The following SLC4A8 variants were observed in gnomAD, a reference collection of about 807,000 sequenced individuals.
SLC4A8 encodes electroneutral sodium bicarbonate exchanger 1.
Under a neutral mutation model 125.0 loss-of-function variants are expected in SLC4A8, and 40 were observed. That is an observed-to-expected ratio of 0.32 (90% CI 0.25 to 0.42). SLC4A8 has a LOEUF of 0.42. SLC4A8 is among the 10% of genes least tolerant of loss of function. The probability of loss-of-function intolerance (pLI) is 1.00; values close to 1 mark genes in which losing one functional copy is unlikely to be tolerated. For synonymous variants in SLC4A8, 456 were observed against 476.0 expected (o/e 0.96, Z 0.55); for missense variants, 863 against 1,355.1 (o/e 0.64, Z 5.70).
Position 51,461,194 on chromosome 12 carries a change from G to GTT in SLC4A8, c.1014-7_1014-6dup. On this transcript the variant is annotated splice_polypyrimidine_tract_variant and intron_variant, in intron 8 of 24. Coordinates refer to ENST00000453097, the MANE Select transcript of SLC4A8 (RefSeq NM_001039960.3). ...ACTTACATAATTTCCTCCTCTGTGT[G>GTT]TTTTGCCAGATTTTTGTTTATCTTA... is the stretch of plus-strand genomic sequence containing the variant. 6.4e-7 allele frequency: 1 copy of GTT among 1,556,786 alleles called. No homozygotes were observed. The highest frequency in any genetic ancestry group is 8.9e-7 in the Non-Finnish European group (1 of 1,128,894).
At chr12:51,395,229 G>A (rs182331858) in intron 1 of SLC4A8, among the ~76,000 whole-genome samples, 60 of 152,234 alleles carry the variant, frequency 3.9e-4, no homozygotes, top group Admixed American at 1.3e-3. Context: ...AAGGTCCCGT[G>A]CATATTCCTG....
intron 1 of SLC4A8, among the ~76,000 whole-genome samples, chr12:51,393,798 C>G (rs1207626454): frequency 6.6e-6 from 1 of 152,182 alleles, no homozygotes; most frequent in Non-Finnish European, 1.5e-5. Context: ...GGGCTTTAAG[C>G]TCCTAGAGAG....
intron 1 of SLC4A8, among the ~76,000 whole-genome samples, chr12:51,429,112 A>C (rs1200188920): frequency 6.6e-6 from 1 of 151,880 alleles, no homozygotes; most frequent in Non-Finnish European, 1.5e-5. Context: ...GGGTTTCACC[A>C]TGTTGGCCAG....
chr12:51,451,865 G>C (rs747259062), intron 3 of SLC4A8, among the ~76,000 whole-genome samples: 10 of 151,692 alleles, frequency 6.6e-5, no homozygotes, highest in Non-Finnish European at 1.2e-4. Context: ...CCTTGCTAGA[G>C]AATTAGCCAA....
intron 22 of SLC4A8, among the ~76,000 whole-genome samples, chr12:51,503,360 C>T (rs968313318): frequency 1.3e-5 from 2 of 151,444 alleles, no homozygotes; most frequent in Non-Finnish European, 2.9e-5. Flanking sequence ...TACAGGCGCC[C>T]GCCACCACAC....
chr12:51,457,709 C>T (rs1291357054), intron 6 of SLC4A8, among the ~76,000 whole-genome samples, 170 bp downstream of exon 6: 1 of 152,138 alleles, frequency 6.6e-6, no homozygotes, highest in East Asian at 1.9e-4. Flanking sequence ...GACTGGTGCT[C>T]ATCTCTCTCT....
At chr12:51,497,285 C>A in intron 22 of SLC4A8, 161 bp downstream of exon 22, 1 of 779,112 alleles carries the variant, frequency 1.3e-6, no homozygotes, top group Non-Finnish European at 2.0e-6. Context: ...ATTAGGGATT[C>A]TTGCTTCTGT....
intron 1 of SLC4A8, among the ~76,000 whole-genome samples, chr12:51,405,610 G>T (rs919939335): frequency 2.0e-5 from 3 of 152,096 alleles, no homozygotes; most frequent in Non-Finnish European, 4.4e-5. Context: ...TTCCCAGGCT[G>T]GTCTCAAACT....
intron 4 of SLC4A8, 89 bp downstream of exon 4, chr12:51,452,348 C>T: frequency 6.9e-7 from 1 of 1,446,378 alleles, no homozygotes. Context: ...TGCCTTATTT[C>T]TTCTTGGGAG....
chr12:51,430,352 C>T (rs1239246054), intron 1 of SLC4A8, among the ~76,000 whole-genome samples: 1 of 152,070 alleles, frequency 6.6e-6, no homozygotes, highest in African/African-American at 2.4e-5. Flanking sequence ...AATGGCTCTA[C>T]AGGGAGTGCG....
intron 22 of SLC4A8, among the ~76,000 whole-genome samples, chr12:51,503,679 A>G: frequency 6.6e-6 from 1 of 152,222 alleles, no homozygotes; most frequent in Non-Finnish European, 1.5e-5. Flanking sequence ...AAGTTGAAGA[A>G]ACAGGGTCTT....
At chr12:51,502,000 A>G (rs1268062419) in intron 22 of SLC4A8, 1 of 152,132 alleles carries the variant, frequency 6.6e-6, no homozygotes. Flanking sequence ...GCTTCTATGC[A>G]CCAATAACAC....
intron 1 of SLC4A8, among the ~76,000 whole-genome samples, chr12:51,407,381 A>G (rs1948507799): frequency 6.6e-6 from 1 of 152,038 alleles, no homozygotes; most frequent in Non-Finnish European, 1.5e-5. Flanking sequence ...TGAGCCTCCC[A>G]AGTAGCTGGC....
At chr12:51,436,892 GCT>G (rs1238149317) in intron 1 of SLC4A8, among the ~76,000 whole-genome samples, 21 of 152,308 alleles carry the variant, frequency 1.4e-4, no homozygotes, top group Non-Finnish European at 2.5e-4. Context: ...CTCCCAAAGT[GCT>G]GGGATTATAG....
In SLC4A8 at chr12:51,513,505, A is replaced by G. The variant is rs559260253; in HGVS notation, c.*6067A>G. 1 of 152,352 alleles carries G rather than the reference A, an allele frequency of 6.6e-6. No individual in the cohort carries two copies. Among genetic ancestry groups the G allele is most frequent in the African/African-American group, 2.4e-5 (1 of 41,558 alleles). 9.4% of individuals were successfully genotyped at this position (152,352 alleles called of 1,614,324 possible). On this transcript the variant is annotated 3_prime_UTR_variant, in exon 25 of 25. Coordinates refer to ENST00000453097, the MANE Select transcript of SLC4A8 (RefSeq NM_001039960.3). ...CTCTGTCGCTTTGTCACCAGGCTGG[A>G]GTGCAATGGCACAATCTCAGCTCAC... is the stretch of plus-strand genomic sequence containing the variant.
Position 51,425,494 on chromosome 12 carries a change from A to G in SLC4A8, c.48+459A>G, listed in dbSNP as rs910969867. On this transcript the variant is annotated intron_variant, in intron 1 of 24. Coordinates refer to ENST00000453097, the MANE Select transcript of SLC4A8 (RefSeq NM_001039960.3). The stretch of plus-strand genomic sequence containing the variant: ...TGGTTCAGAGGAAAAGCCAGAAAAG[A>G]CTCTGGAGGCTGGGACCAATCCCTG... 3.2e-6 allele frequency: 3 copies of G among 930,952 alleles called. No homozygotes were observed. In the African/African-American group the frequency reaches 5.4e-5, roughly 17 times the overall value. The allele number at this position is 930,952 out of a possible 1,614,324, so 57.7% of individuals were successfully genotyped here.
intron 14 of SLC4A8, among the ~76,000 whole-genome samples, chr12:51,472,107 A>T (rs986235754): frequency 1.4e-4 from 22 of 152,218 alleles, no homozygotes; most frequent in Non-Finnish European, 3.1e-4. Flanking sequence ...TATGTGTTCA[A>T]TATGGTTTGG....
At chr12:51,475,614 G>T (rs763428997) in intron 16 of SLC4A8, among the ~76,000 whole-genome samples, 1 of 152,156 alleles carries the variant, frequency 6.6e-6, no homozygotes, top group African/African-American at 2.4e-5. Context: ...CTTCTCCCAG[G>T]GATGGCTTTT....
chr12:51,426,130 G>T (rs1328274494), intron 1 of SLC4A8, among the ~76,000 whole-genome samples: 2 of 152,174 alleles, frequency 1.3e-5, no homozygotes, highest in African/African-American at 2.4e-5. Flanking sequence ...TGGTTTCCCC[G>T]AGGAGGCAGG....
Sources: allele counts gnomAD v4.1 joint callset (sites outside exome capture counted in the v4.1 genomes callset), GRCh38; gene constraint gnomAD v4.1.1; transcripts MANE v1.5; gene names NCBI Gene and HGNC (gene_info 2026-07-23, HGNC 2026-07-21).